KDM4C: variants seen among roughly 807,000 people sequenced by gnomAD.
KDM4C encodes lysine demethylase 4C.
A neutral mutation model predicts 129.3 loss-of-function variants in KDM4C; 81 were observed. That is an observed-to-expected ratio of 0.63 (90% CI 0.52 to 0.75). The LOEUF is 0.75. Ranked by LOEUF, KDM4C falls within the 30% of genes least tolerant of loss-of-function variation. The pLI is 0.00. For synonymous variants in KDM4C, 573 were observed against 456.1 expected, an observed-to-expected ratio of 1.26 and a Z score of -3.26; for missense variants, 1,457 against 1,304.0, an observed-to-expected ratio of 1.12 and a Z score of -1.81.
intron 17 of KDM4C, among the ~76,000 whole-genome samples, chr9:7,068,547 C>T (rs901654963): frequency 3.3e-5 from 5 of 152,148 alleles, no homozygotes; most frequent in Admixed American, 6.5e-5. Flanking sequence ...TATTTCAGAA[C>T]GTGCCAGCTG....
In KDM4C at chr9:7,103,673, T is replaced by G. The variant is rs768238719; in HGVS notation, c.2425-12T>G. The G allele has an allele frequency of 6.2e-7, 1 of 1,611,408 alleles. No individual in the cohort carries two copies. Among genetic ancestry groups the G allele is most frequent in the African/African-American group, 1.3e-5 (1 of 74,790 alleles). On this transcript the variant is annotated splice_polypyrimidine_tract_variant and intron_variant, in intron 17 of 21. Transcript: ENST00000381309. ...ATGTGAATTGATGTTCTTCTCTGTT[T>G]TAACCTTCCAGAAATGCATCTTCTG...
intron 17 of KDM4C, among the ~76,000 whole-genome samples, chr9:7,088,076 G>A (rs1401219131): frequency 1.3e-5 from 2 of 152,226 alleles, no homozygotes; most frequent in Non-Finnish European, 2.9e-5. Context: ...GGCAGAGATG[G>A]ACAGTGTCTT....
intron 5 of KDM4C, among the ~76,000 whole-genome samples, chr9:6,865,905 C>T (rs1031238706): frequency 6.6e-6 from 1 of 151,952 alleles, no homozygotes; most frequent in South Asian, 2.1e-4. Context: ...CGCCCGCCAC[C>T]ACCATGCCTG....
chr9:7,165,402 A>G (rs1342686332), intron 20 of KDM4C, 45 bp downstream of exon 20: 8 of 1,600,596 alleles, frequency 5.0e-6, no homozygotes, highest in Non-Finnish European at 6.0e-6. Context: ...TTGACATGAT[A>G]AGTCAGAAGG....
At chr9:7,011,535 T>A (rs1348992194) in intron 12 of KDM4C, among the ~76,000 whole-genome samples, 163 bp from the exon 13 acceptor site, 1 of 152,186 alleles carries the variant, frequency 6.6e-6, no homozygotes, top group Non-Finnish European at 1.5e-5. Flanking sequence ...ATAAGGCAAC[T>A]TCCCTTATCC....
rs575300466 is a variant in KDM4C, at chr9:7,053,867, A to C, written c.2424+4667A>C. Among the ~76,000 whole-genome samples, 36 of 152,380 alleles carry C rather than the reference A, an allele frequency of 2.4e-4. 1 individual carries two copies. The South Asian group carries it at 7.5e-3, about 32-fold the overall frequency. On this transcript the variant is annotated intron_variant, in intron 17 of 21. Coordinates refer to ENST00000381309, the MANE Select transcript of KDM4C (RefSeq NM_015061.6). ...ATCCTGTTACAGGGCAGAAATGAAA[A>C]TGCTAACAAATCTTAAGAAATGAAA...
chr9:6,867,140 C>T (rs949592729), intron 5 of KDM4C, among the ~76,000 whole-genome samples: 1 of 151,504 alleles, frequency 6.6e-6, no homozygotes, highest in Non-Finnish European at 1.5e-5. Context: ...CTCAACCTCC[C>T]AAGTAGCTGG....
At chr9:7,116,572 G>A (rs553491385) in intron 18 of KDM4C, among the ~76,000 whole-genome samples, 3 of 152,136 alleles carry the variant, frequency 2.0e-5, no homozygotes, top group Non-Finnish European at 4.4e-5. Context: ...GGGTACGTGG[G>A]TCCACTCAGT....
chr9:6,794,033 C>G (rs907522230), intron 2 of KDM4C, among the ~76,000 whole-genome samples: 1 of 152,196 alleles, frequency 6.6e-6, no homozygotes, highest in Non-Finnish European at 1.5e-5. Flanking sequence ...CAGTCATTCT[C>G]CATTCCCTGC....
intron 4 of KDM4C, among the ~76,000 whole-genome samples, chr9:6,847,438 G>A (rs1199566309): frequency 6.6e-6 from 1 of 151,170 alleles, no homozygotes; most frequent in Non-Finnish European, 1.5e-5. Flanking sequence ...TTGCTCTGTC[G>A]CCCAGGCTGG....
chr9:6,825,351 T>C lies in KDM4C; in HGVS notation c.435+10606T>C, dbSNP rs550172825. ...CTGACAAGGTCTGCGTGTCTTCCTG[T>C]GGTCCTCGGAAAACACCTTGACAAC... On this transcript the variant is annotated intron_variant, in intron 4 of 21. Coordinates refer to ENST00000381309, the MANE Select transcript of KDM4C (RefSeq NM_015061.6). Among the ~76,000 whole-genome samples the C allele has an allele frequency of 4.6e-5, 7 of 152,322 alleles. No homozygotes were observed. The East Asian group carries it at 7.7e-4, about 17-fold the overall frequency.
chr9:6,734,686 A>G (rs1364295213), intron 1 of KDM4C: 2 of 306,422 alleles, frequency 6.5e-6, no homozygotes, highest in Admixed American at 4.3e-5. Context: ...GACTCCTTTC[A>G]CAGTGATTAT....
At chr9:6,947,681 C>G (rs959304848) in intron 8 of KDM4C, among the ~76,000 whole-genome samples, 1 of 152,024 alleles carries the variant, frequency 6.6e-6, no homozygotes, top group Non-Finnish European at 1.5e-5. Flanking sequence ...GAAATTGTTT[C>G]AAATAACCTG....
chr9:7,000,599 C>T (rs998696726), intron 12 of KDM4C, among the ~76,000 whole-genome samples: 7 of 152,048 alleles, frequency 4.6e-5, no homozygotes, highest in African/African-American at 1.7e-4. Flanking sequence ...ATGGTGCATT[C>T]AATTCTTTAG....
At chr9:7,080,052 A>G (rs1834356482) in intron 17 of KDM4C, among the ~76,000 whole-genome samples, 1 of 151,918 alleles carries the variant, frequency 6.6e-6, no homozygotes, top group African/African-American at 2.4e-5. Context: ...AAAAAATGGC[A>G]CTTCATCTAG....
intron 15 of KDM4C, among the ~76,000 whole-genome samples, chr9:7,023,959 T>A (rs1825330980): frequency 6.6e-6 from 1 of 152,220 alleles, no homozygotes. Flanking sequence ...TTTTTGTTAT[T>A]GATTTCTATT....
intron 18 of KDM4C, among the ~76,000 whole-genome samples, chr9:7,110,901 A>T (rs28363911): frequency 0.027 from 4,127 of 152,282 alleles, 178 homozygotes; most frequent in African/African-American, 0.094. Flanking sequence ...TTCTTATCCC[A>T]GCACTTGTTT....
At chr9:7,021,600 C>G (rs1824872637) in intron 15 of KDM4C, among the ~76,000 whole-genome samples, 1 of 152,118 alleles carries the variant, frequency 6.6e-6, no homozygotes, top group South Asian at 2.1e-4. Context: ...TGTTTTCTCC[C>G]TTTCTGTGGG....
chr9:6,960,809 T>C (rs2131597102), intron 8 of KDM4C, among the ~76,000 whole-genome samples: 1 of 152,140 alleles, frequency 6.6e-6, no homozygotes, highest in South Asian at 2.1e-4. Context: ...TTTAGCAGCA[T>C]CCTGGCCTTT....
Sources: gnomAD v4.1 joint callset for allele counts (sites outside exome capture counted in the v4.1 genomes callset) on GRCh38, gnomAD v4.1.1 for gene constraint, MANE v1.5 for transcripts, NCBI Gene and HGNC (gene_info 2026-07-23, HGNC 2026-07-21) for gene names.